The following CNTLN variants were observed in gnomAD, a reference collection of about 807,000 sequenced individuals.
CNTLN encodes centlein, centrosomal protein.
In CNTLN, 212 loss-of-function variants were observed where a neutral mutation model predicts 180.0. The ratio of observed to expected loss-of-function variants is 1.18; its 90% CI spans 1.05 to 1.32. The LOEUF (loss-of-function observed/expected upper bound fraction) is 1.32, where lower values mean the gene tolerates loss of function less well. CNTLN is among the 40% of genes most tolerant of loss of function. The pLI, the probability that CNTLN is intolerant of heterozygous loss-of-function variation, is 0.00. For synonymous variants in CNTLN, 722 were observed against 563.1 expected (o/e 1.28, Z -3.99); for missense variants, 2,095 against 1,610.9 (o/e 1.30, Z -5.14).
intron 8 of CNTLN, among the ~76,000 whole-genome samples, chr9:17,319,295 A>C (rs535402059): frequency 6.6e-6 from 1 of 152,238 alleles, no homozygotes; most frequent in Admixed American, 6.5e-5. Context: ...TTATTATCCT[A>C]ATTCAGTACG....
chr9:17,161,276 A>G (rs995872416), intron 2 of CNTLN, among the ~76,000 whole-genome samples: 4 of 152,116 alleles, frequency 2.6e-5, no homozygotes, highest in African/African-American at 9.6e-5. Flanking sequence ...CTGTCACTTT[A>G]TGAGTTTGTT....
the CNTLN span, among the ~76,000 whole-genome samples, chr9:17,514,536 C>G: frequency 6.6e-6 from 1 of 152,040 alleles, no homozygotes; most frequent in East Asian, 1.9e-4. Flanking sequence ...GGCTGAATAA[C>G]AAAATCAGAT....
intron 13 of CNTLN, among the ~76,000 whole-genome samples, chr9:17,374,770 AGAAT>A (rs1824612267): frequency 6.6e-6 from 1 of 151,956 alleles, no homozygotes; most frequent in South Asian, 2.1e-4. Context: ...CTGAGACAAG[AGAAT>A]CCCTTGAACC....
chr9:17,205,095 AAGCCAGTGGTTCTT>A (rs1342110594), intron 2 of CNTLN, among the ~76,000 whole-genome samples: 1 of 152,108 alleles, frequency 6.6e-6, no homozygotes. Flanking sequence ...TGAGAATTTC[AAGCCAGTGGTTCTT>A]AGCTTGCTGG....
chr9:17,325,057 C>T (rs1417702480), intron 8 of CNTLN, among the ~76,000 whole-genome samples: 2 of 151,396 alleles, frequency 1.3e-5, no homozygotes, highest in Non-Finnish European at 3.0e-5. Flanking sequence ...TTTTATTACT[C>T]AATATAGTGG....
chr9:17,246,260 G>C (rs1825790994), intron 5 of CNTLN, among the ~76,000 whole-genome samples: 1 of 152,096 alleles, frequency 6.6e-6, no homozygotes, highest in South Asian at 2.1e-4. Flanking sequence ...TGCATTAGAG[G>C]GCACCGTAAG....
At chr9:17,253,761 G>GTTTTTTTTTTTTTT (rs60517986) in intron 5 of CNTLN, among the ~76,000 whole-genome samples, 1 of 142,690 alleles carries the variant, frequency 7.0e-6, no homozygotes, top group Non-Finnish European at 1.5e-5. Context: ...CTTTTCTATT[G>GTTTTTTTTTTTTTT]TTTTTTTTTT....
chr9:17,359,736 A>ACAAAC (rs1554699479), intron 12 of CNTLN, among the ~76,000 whole-genome samples: 4 of 112,546 alleles, frequency 3.6e-5, no homozygotes, highest in African/African-American at 1.4e-4. Context: ...AAAAAAAAAA[A>ACAAAC]AAAAAAAAAA....
At chr9:17,202,555 T>C (rs1822604469) in intron 2 of CNTLN, among the ~76,000 whole-genome samples, 1 of 152,022 alleles carries the variant, frequency 6.6e-6, no homozygotes, top group Admixed American at 6.6e-5. Flanking sequence ...GTTGCATTGA[T>C]CCCTTTGCCA....
At chr9:17,382,057 G>A (rs1825294599) in intron 13 of CNTLN, among the ~76,000 whole-genome samples, 1 of 152,164 alleles carries the variant, frequency 6.6e-6, no homozygotes. Context: ...AGCATTTGCT[G>A]AGTAATAATC....
intron 8 of CNTLN, among the ~76,000 whole-genome samples, chr9:17,313,735 G>A (rs139720640): frequency 1.4e-4 from 22 of 152,094 alleles, no homozygotes; most frequent in African/African-American, 4.3e-4. Context: ...TTCTCCTTTT[G>A]AGATTACCAT....
intron 1 of CNTLN, among the ~76,000 whole-genome samples, chr9:17,136,099 A>G (rs1446931111): frequency 2.0e-5 from 3 of 152,198 alleles, no homozygotes; most frequent in East Asian, 3.9e-4. Context: ...TCCTGTTTGT[A>G]GAGTTTTTGT....
chr9:17,411,820 C>G (rs1462906060), intron 16 of CNTLN, among the ~76,000 whole-genome samples: 1 of 152,082 alleles, frequency 6.6e-6, no homozygotes, highest in Non-Finnish European at 1.5e-5. Context: ...CAAAAATTTT[C>G]TTCCACAAAA....
intron 16 of CNTLN, among the ~76,000 whole-genome samples, chr9:17,412,508 A>G (rs1352594141): frequency 6.6e-6 from 1 of 152,222 alleles, no homozygotes; most frequent in African/African-American, 2.4e-5. Context: ...ATACATGTTT[A>G]GTAGAAACTG....
At chr9:17,178,306 G>A (rs376831516) in intron 2 of CNTLN, among the ~76,000 whole-genome samples, 2 of 152,182 alleles carry the variant, frequency 1.3e-5, no homozygotes, top group East Asian at 3.9e-4. Context: ...AGACATAAAG[G>A]TTCTCCAATT....
intron 5 of CNTLN, among the ~76,000 whole-genome samples, chr9:17,264,966 T>C (rs1219862928): frequency 6.9e-6 from 1 of 144,948 alleles, no homozygotes; most frequent in Admixed American, 6.9e-5. Flanking sequence ...TTTCTAGATA[T>C]AGAATCATGT....
At chr9:17,487,097 C>T (rs865778180) in intron 25 of CNTLN, 31 bp downstream of exon 25, 1 of 1,422,788 alleles carries the variant, frequency 7.0e-7, no homozygotes, top group African/African-American at 1.4e-5. Flanking sequence ...ATATATTAAG[C>T]TTCCAAATAA....
chr9:17,177,534 G>T (rs1467987972), intron 2 of CNTLN, among the ~76,000 whole-genome samples: 1 of 152,176 alleles, frequency 6.6e-6, no homozygotes, highest in Non-Finnish European at 1.5e-5. Context: ...GTTCTTAAAG[G>T]CGGTGTGTCC....
intron 12 of CNTLN, among the ~76,000 whole-genome samples, chr9:17,343,240 G>T (rs1821624170): frequency 6.6e-6 from 1 of 152,172 alleles, no homozygotes. Context: ...AAAGGAGTTA[G>T]ACCAATATAA....
Sources: allele counts gnomAD v4.1 joint callset (sites outside exome capture counted in the v4.1 genomes callset), GRCh38; gene constraint gnomAD v4.1.1; transcripts MANE v1.5; gene names NCBI Gene and HGNC (gene_info 2026-07-23, HGNC 2026-07-21).